The following CNTNAP5 variants were observed in gnomAD, a reference collection of about 807,000 sequenced individuals.
CNTNAP5 encodes the protein contactin associated protein family member 5.
A neutral mutation model predicts 150.2 loss-of-function variants in CNTNAP5; 72 were observed. That is an observed-to-expected ratio of 0.48 (90% CI 0.40 to 0.58). CNTNAP5 has a LOEUF of 0.58. CNTNAP5 is among the 20% of genes least tolerant of loss of function. The pLI, the probability that CNTNAP5 is intolerant of heterozygous loss-of-function variation, is 0.00. For synonymous variants in CNTNAP5, 672 were observed against 619.8 expected (o/e 1.08, Z -1.25); for missense variants, 1,636 against 1,626.2 (o/e 1.01, Z -0.10).
chr2:124,771,640 A>G (rs1681194000), intron 16 of CNTNAP5, among the ~76,000 whole-genome samples: 1 of 151,738 alleles, frequency 6.6e-6, no homozygotes, highest in Admixed American at 6.6e-5. Flanking sequence ...ACCCCTTCCA[A>G]TTCTCTCTCT....
chr2:124,139,425 C>T lies in CNTNAP5; in HGVS notation c.83-82280C>T, dbSNP rs145107243. 5.1e-3 allele frequency among the ~76,000 whole-genome samples: 782 copies of T among 152,192 alleles called. 6 individuals carry two copies. Among genetic ancestry groups the T allele is most frequent in the African/African-American group, 0.017 (726 of 41,522 alleles). ...TTCAATGACGCTCCCTAAAGCAAGT[C>T]CGGCCCCTTGAAAAGCAGGAGAGTA... On this transcript the variant is annotated intron_variant, in intron 1 of 23. Coordinates refer to ENST00000682447, the MANE Select transcript of CNTNAP5 (RefSeq NM_001367498.1).
intron 17 of CNTNAP5, among the ~76,000 whole-genome samples, chr2:124,784,562 T>C (rs1681524283): frequency 6.6e-6 from 1 of 152,226 alleles, no homozygotes; most frequent in Non-Finnish European, 1.5e-5. Context: ...GCCAGCCAAC[T>C]AATGGTCTAA....
At chr2:124,530,299 G>A (rs571301632) in intron 10 of CNTNAP5, among the ~76,000 whole-genome samples, 1 of 152,268 alleles carries the variant, frequency 6.6e-6, no homozygotes, top group African/African-American at 2.4e-5. Context: ...GACAGAGCAA[G>A]ACTCCGTCTA....
intron 3 of CNTNAP5, among the ~76,000 whole-genome samples, chr2:124,298,832 A>G (rs1558839618): frequency 6.6e-6 from 1 of 152,118 alleles, no homozygotes; most frequent in African/African-American, 2.4e-5. Flanking sequence ...CCTTTTTGTA[A>G]GGACACTGGC....
intron 4 of CNTNAP5, among the ~76,000 whole-genome samples, chr2:124,421,082 C>T (rs752768070): frequency 6.6e-6 from 1 of 152,098 alleles, no homozygotes; most frequent in Non-Finnish European, 1.5e-5. Context: ...TTGGCTATCT[C>T]AGTTTGCTAA....
intron 13 of CNTNAP5, among the ~76,000 whole-genome samples, chr2:124,736,767 T>C (rs1680391093): frequency 6.6e-6 from 1 of 152,202 alleles, no homozygotes; most frequent in Non-Finnish European, 1.5e-5. Flanking sequence ...CATTTTTTAA[T>C]GTCATCTATA....
chr2:124,160,359 A>T (rs1264294013), intron 1 of CNTNAP5, among the ~76,000 whole-genome samples: 1 of 152,182 alleles, frequency 6.6e-6, no homozygotes, highest in Non-Finnish European at 1.5e-5. Flanking sequence ...TAATATTCCC[A>T]TCATGGAAAT....
intron 1 of CNTNAP5, among the ~76,000 whole-genome samples, chr2:124,177,065 C>G (rs1042234734): frequency 1.1e-4 from 17 of 152,000 alleles, no homozygotes; most frequent in Admixed American, 8.5e-4. Flanking sequence ...CCAGGCTACT[C>G]TCAAACTCCT....
intron 3 of CNTNAP5, among the ~76,000 whole-genome samples, chr2:124,294,999 C>T (rs922024111): frequency 2.6e-5 from 4 of 151,836 alleles, no homozygotes; most frequent in East Asian, 1.9e-4. Flanking sequence ...CCAGCTACTC[C>T]GGAGGCTGAG....
chr2:124,706,621 C>T (rs1679642692), intron 13 of CNTNAP5, among the ~76,000 whole-genome samples: 1 of 151,680 alleles, frequency 6.6e-6, no homozygotes, highest in Admixed American at 6.6e-5. Flanking sequence ...GTGGTACATG[C>T]CTGTAGTCCC....
At chr2:124,366,945 A>G (rs1204392349) in intron 3 of CNTNAP5, among the ~76,000 whole-genome samples, 1 of 152,140 alleles carries the variant, frequency 6.6e-6, no homozygotes, top group Non-Finnish European at 1.5e-5. Flanking sequence ...AGCTGATAAG[A>G]CACCCCTCAG....
At chr2:124,602,355 A>G (rs1276379367) in intron 11 of CNTNAP5, among the ~76,000 whole-genome samples, 2 of 151,432 alleles carry the variant, frequency 1.3e-5, no homozygotes, top group Admixed American at 1.3e-4. Flanking sequence ...AAAAAAAAAA[A>G]AAAAAGAATA....
In CNTNAP5 at chr2:124,446,797, C is replaced by G; in HGVS notation, c.778C>G (p.Leu260Val). 6.2e-7 allele frequency: 1 copy of G among 1,613,922 alleles called. No individual in the cohort carries two copies. Among genetic ancestry groups the G allele is most frequent in the Non-Finnish European group, 8.5e-7 (1 of 1,179,830 alleles). Residue 260 changes from leucine (L) to valine (V), a missense_variant, in exon 6 of 24, where the codon CTG (leucine) becomes GTG (valine). Transcript: ENST00000682447. ...RLSSSLPSAT[L>V]GSLLDDQHWH... ...CAGCAGCAGCTTGCCCTCTGCCACC[C>G]TGGGCAGCCTCCTGGATGACCAGCA...
chr2:124,556,897 G>A (rs1015706655), intron 10 of CNTNAP5, among the ~76,000 whole-genome samples: 2 of 152,038 alleles, frequency 1.3e-5, no homozygotes, highest in East Asian at 1.9e-4. Flanking sequence ...AAGGATCAAG[G>A]TGAGCTGGAT....
intron 1 of CNTNAP5, among the ~76,000 whole-genome samples, chr2:124,128,260 C>G (rs1319560869): frequency 6.6e-6 from 1 of 152,114 alleles, no homozygotes; most frequent in Non-Finnish European, 1.5e-5. Context: ...AGGATATGAA[C>G]AGACACTACC....
Position 124,914,346 on chromosome 2 carries a change from C to T in CNTNAP5, c.*58C>T. On this transcript the variant is annotated 3_prime_UTR_variant, in exon 24 of 24. Transcript: ENST00000682447. The stretch of plus-strand genomic sequence containing the variant: ...TGTTGTTCAATTATCTCCTCCCCCT[C>T]TTCTCTCCTGTCTTTTGATTTGGTC... 8.2e-7 allele frequency: 1 copy of T among 1,225,672 alleles called. No individual in the cohort carries two copies. The highest frequency in any genetic ancestry group is 2.4e-5 in the East Asian group (1 of 42,012). The allele number at this position is 1,225,672 out of a possible 1,614,324, so 75.9% of individuals were successfully genotyped here. A position where few individuals can be genotyped will look rare whatever the true frequency, so the allele number is the denominator to read the frequency against.
chr2:124,169,632 G>C (rs2104661744), intron 1 of CNTNAP5, among the ~76,000 whole-genome samples: 1 of 152,286 alleles, frequency 6.6e-6, no homozygotes, highest in Middle Eastern at 3.4e-3. Flanking sequence ...TTCTAAGATT[G>C]AAGAACCCTA....
chr2:124,352,151 G>A (rs1689886811), intron 3 of CNTNAP5, among the ~76,000 whole-genome samples: 1 of 151,846 alleles, frequency 6.6e-6, no homozygotes, highest in Admixed American at 6.6e-5. Flanking sequence ...CTGCTACAAT[G>A]ACCTTGCCTC....
At chr2:124,898,789 G>C (rs1678358753) in intron 21 of CNTNAP5, among the ~76,000 whole-genome samples, 1 of 151,474 alleles carries the variant, frequency 6.6e-6, no homozygotes, top group Admixed American at 6.6e-5. Context: ...CCAGGCAACA[G>C]AGCTTGGAAC....
Sources: gnomAD v4.1 joint callset for allele counts (sites outside exome capture counted in the v4.1 genomes callset) on GRCh38, gnomAD v4.1.1 for gene constraint, MANE v1.5 for transcripts, NCBI Gene and HGNC (gene_info 2026-07-23, HGNC 2026-07-21) for gene names.